THSD7A: variants seen among roughly 807,000 people sequenced by gnomAD.
THSD7A encodes the protein thrombospondin type-1 domain-containing protein 7A.
THSD7A carries 96 observed loss-of-function variants against 231.3 expected under a neutral mutation model. The observed-to-expected ratio is 0.41, with a 90% CI of 0.35 to 0.49. The LOEUF is 0.49. Among genes scored for constraint, THSD7A ranks in the 20% least tolerant of loss-of-function variants. THSD7A has a pLI of 0.05. For missense variants in THSD7A, 2,290 were observed against 2,070.2 expected, an observed-to-expected ratio of 1.11 and a Z score of -2.06; for synonymous variants, 940 against 743.3, an observed-to-expected ratio of 1.26 and a Z score of -4.30.
At chr7:11,452,281 G>C (rs1785169783) in intron 11 of THSD7A, among the ~76,000 whole-genome samples, 1 of 151,958 alleles carries the variant, frequency 6.6e-6, no homozygotes, top group Admixed American at 6.6e-5. Flanking sequence ...TAGTTACCAA[G>C]AGACCTAATT....
chr7:11,485,909 A>G lies in THSD7A; in HGVS notation c.1823-3927T>C, dbSNP rs144310892. Among the ~76,000 whole-genome samples the G allele has an allele frequency of 4.9e-4, 74 of 152,348 alleles. 3 individuals carry two copies. Among genetic ancestry groups the G allele is most frequent in the African/African-American group, 1.2e-4 (5 of 41,590 alleles). On this transcript the variant is annotated intron_variant, in intron 6 of 27. Coordinates refer to ENST00000423059, the MANE Select transcript of THSD7A (RefSeq NM_015204.3). ...CAAACAGCAACTGATCTATGAGAAT[A>G]TGGAATAATTAAATTTTTGATTTTG...
At chr7:11,802,697 T>C (rs1319648908) in intron 1 of THSD7A, among the ~76,000 whole-genome samples, 3 of 152,196 alleles carry the variant, frequency 2.0e-5, no homozygotes, top group Non-Finnish European at 4.4e-5. Flanking sequence ...AACTAATTTA[T>C]AAAATTCTGT....
intron 16 of THSD7A, among the ~76,000 whole-genome samples, chr7:11,420,310 C>A (rs1295674837): frequency 6.6e-6 from 1 of 152,220 alleles, no homozygotes; most frequent in Non-Finnish European, 1.5e-5. Flanking sequence ...CTCATGGCTC[C>A]ACTGCTCTGT....
At chr7:11,793,951 A>T (rs193081425) in intron 1 of THSD7A, among the ~76,000 whole-genome samples, 1 of 152,022 alleles carries the variant, frequency 6.6e-6, no homozygotes, top group East Asian at 1.9e-4. Flanking sequence ...TTGAGTGTCA[A>T]ATGATCTAAA....
intron 22 of THSD7A, among the ~76,000 whole-genome samples, chr7:11,403,183 A>G (rs1222483377): frequency 3.3e-5 from 5 of 152,200 alleles, no homozygotes; most frequent in Non-Finnish European, 7.4e-5. Flanking sequence ...GCCAGGTCAT[A>G]TGAATAATTC....
intron 6 of THSD7A, among the ~76,000 whole-genome samples, chr7:11,489,088 A>G (rs1786783789): frequency 6.6e-6 from 1 of 152,054 alleles, no homozygotes. Context: ...CCATTAGCCT[A>G]TGAGAACCTT....
At chr7:11,625,360 C>T (rs886122588) in intron 2 of THSD7A, among the ~76,000 whole-genome samples, 1 of 152,050 alleles carries the variant, frequency 6.6e-6, no homozygotes, top group African/African-American at 2.4e-5. Flanking sequence ...TGTACAATGG[C>T]TTCTTGTATT....
intron 1 of THSD7A, among the ~76,000 whole-genome samples, chr7:11,783,138 G>A (rs527610191): frequency 6.6e-6 from 1 of 152,220 alleles, no homozygotes; most frequent in South Asian, 2.1e-4. Flanking sequence ...GAATACAGAT[G>A]CCCTTCTACT....
chr7:11,430,880 T>C (rs910155498), intron 13 of THSD7A, among the ~76,000 whole-genome samples: 5 of 152,246 alleles, frequency 3.3e-5, no homozygotes, highest in Non-Finnish European at 7.3e-5. Context: ...CATTTCACAT[T>C]GTTTATCCAC....
chr7:11,378,907 A>ATGAT, intron 26 of THSD7A, 163 bp downstream of exon 26: 1 of 654,336 alleles, frequency 1.5e-6, no homozygotes, highest in Non-Finnish European at 2.5e-6. Flanking sequence ...ATTTTCCATA[A>ATGAT]TGATAGTAAA....
intron 1 of THSD7A, among the ~76,000 whole-genome samples, chr7:11,810,888 A>G (rs747384819): frequency 1.7e-4 from 26 of 152,296 alleles, no homozygotes; most frequent in Middle Eastern, 3.4e-3. Context: ...CCTTAAAAGC[A>G]CACAATTAAA....
At chr7:11,394,463 C>T (rs6962087) in intron 23 of THSD7A, among the ~76,000 whole-genome samples, 1,700 of 152,204 alleles carry the variant, frequency 0.011, 37 homozygotes, top group African/African-American at 0.038. Context: ...CGGAAAGGTG[C>T]GAAGGCTCTG....
chr7:11,442,032 C>T (rs1298799329), intron 13 of THSD7A, among the ~76,000 whole-genome samples: 2 of 151,896 alleles, frequency 1.3e-5, no homozygotes, highest in South Asian at 2.1e-4. Flanking sequence ...ATAGTGACAC[C>T]TTCCAATATT....
chr7:11,465,532 G>A (rs868710870), intron 9 of THSD7A, among the ~76,000 whole-genome samples: 40 of 151,980 alleles, frequency 2.6e-4, no homozygotes, highest in African/African-American at 8.9e-4. Context: ...AAATTTCACC[G>A]AGAAATTACT....
chr7:11,548,264 T>G (rs1198333292), intron 4 of THSD7A, among the ~76,000 whole-genome samples: 2 of 151,934 alleles, frequency 1.3e-5, no homozygotes, highest in Admixed American at 6.6e-5. Flanking sequence ...TTATAAGAAA[T>G]GGATAAATTC....
At chr7:11,495,902 GTT>G (rs1483393029) in intron 6 of THSD7A, among the ~76,000 whole-genome samples, 1 of 152,120 alleles carries the variant, frequency 6.6e-6, no homozygotes, top group Non-Finnish European at 1.5e-5. Flanking sequence ...GATTTGGAGA[GTT>G]AAGATTTTTA....
intron 13 of THSD7A, among the ~76,000 whole-genome samples, chr7:11,443,258 C>T (rs1784860076): frequency 6.6e-6 from 1 of 152,030 alleles, no homozygotes; most frequent in African/African-American, 2.4e-5. Flanking sequence ...CACTTATGTG[C>T]TGCATTCCAA....
At chr7:11,483,043 T>C (rs978160293) in intron 6 of THSD7A, among the ~76,000 whole-genome samples, 1 of 152,146 alleles carries the variant, frequency 6.6e-6, no homozygotes, top group East Asian at 1.9e-4. Flanking sequence ...CCTGCTATTT[T>C]GGCACAGAAT....
intron 1 of THSD7A, among the ~76,000 whole-genome samples, chr7:11,645,639 CA>C (rs1782253067): frequency 6.6e-6 from 1 of 151,712 alleles, no homozygotes; most frequent in Admixed American, 6.6e-5. Context: ...CAAACAGCCT[CA>C]AAACATGTCA....
Sources: allele counts gnomAD v4.1 joint callset (sites outside exome capture counted in the v4.1 genomes callset), GRCh38; gene constraint gnomAD v4.1.1; transcripts MANE v1.5; gene names NCBI Gene and HGNC (gene_info 2026-07-23, HGNC 2026-07-21).